The following CSMD1 variants were observed in gnomAD, a reference collection of about 807,000 sequenced individuals.
The protein encoded by CSMD1 is CUB and Sushi multiple domains 1.
In CSMD1, 213 loss-of-function variants were observed where a neutral mutation model predicts 417.5. The ratio of observed to expected loss-of-function variants is 0.51; its 90% CI spans 0.46 to 0.57. The LOEUF (loss-of-function observed/expected upper bound fraction) is 0.57. Ranked by LOEUF, CSMD1 falls within the 20% of genes least tolerant of loss-of-function variation. The pLI is 0.00. For synonymous variants in CSMD1, 2,862 were observed against 1,736.8 expected (o/e 1.65, Z -16.11); for missense variants, 6,923 against 4,529.7 (o/e 1.53, Z -15.17).
intron 3 of CSMD1, among the ~76,000 whole-genome samples, chr8:4,196,138 G>C (rs972141977): frequency 1.3e-5 from 2 of 152,094 alleles, no homozygotes; most frequent in African/African-American, 4.8e-5. Flanking sequence ...TTGAACCCGG[G>C]AAGTGGAGCT....
intron 3 of CSMD1, among the ~76,000 whole-genome samples, chr8:4,330,848 C>G (rs916793434): frequency 1.3e-5 from 2 of 152,058 alleles, no homozygotes; most frequent in Non-Finnish European, 2.9e-5. Context: ...TCCCACCTTC[C>G]CAGATTCTAC....
chr8:4,415,922 G>C (rs1041146279), intron 3 of CSMD1, among the ~76,000 whole-genome samples: 1 of 152,192 alleles, frequency 6.6e-6, no homozygotes, highest in African/African-American at 2.4e-5. Flanking sequence ...CAGACATGTG[G>C]ATAATTTCTG....
At chr8:3,504,669 G>C (rs550019330) in intron 10 of CSMD1, among the ~76,000 whole-genome samples, 2 of 152,264 alleles carry the variant, frequency 1.3e-5, no homozygotes, top group East Asian at 1.9e-4. Flanking sequence ...TATCTAAAAT[G>C]ACCTCTTATC....
At chr8:3,926,295 T>C (rs530520880) in intron 5 of CSMD1, among the ~76,000 whole-genome samples, 3 of 152,338 alleles carry the variant, frequency 2.0e-5, no homozygotes, top group Non-Finnish European at 4.4e-5. Flanking sequence ...CCTTGTGCCA[T>C]GTATTTCTCC....
chr8:4,295,008 G>C (rs1797580644), intron 3 of CSMD1, among the ~76,000 whole-genome samples: 1 of 147,368 alleles, frequency 6.8e-6, no homozygotes, highest in Non-Finnish European at 1.5e-5. Context: ...CCCAATCTAA[G>C]GTGTTAAGAT....
chr8:4,420,367 C>CT (rs887358214), intron 2 of CSMD1, among the ~76,000 whole-genome samples: 39 of 148,476 alleles, frequency 2.6e-4, no homozygotes, highest in East Asian at 2.2e-3. Context: ...CTACTGCCAA[C>CT]TTTTTTTTTT....
intron 10 of CSMD1, among the ~76,000 whole-genome samples, chr8:3,539,349 C>T (rs1008267833): frequency 6.6e-6 from 1 of 152,162 alleles, no homozygotes; most frequent in Admixed American, 6.5e-5. Context: ...CCTGGTTTTG[C>T]CTTCTGGGCA....
At chr8:4,172,399 G>T (rs550037973) in intron 3 of CSMD1, among the ~76,000 whole-genome samples, 3 of 152,024 alleles carry the variant, frequency 2.0e-5, no homozygotes, top group Non-Finnish European at 2.9e-5. Flanking sequence ...TAAATAGCCA[G>T]TGGGTCTCAT....
intron 1 of CSMD1, among the ~76,000 whole-genome samples, chr8:4,652,460 C>T (rs1803955111): frequency 6.6e-6 from 1 of 151,992 alleles, no homozygotes. Flanking sequence ...TCAGTGCATG[C>T]AGCCTACCAG....
chr8:4,350,886 G>T (rs1166438960), intron 3 of CSMD1, among the ~76,000 whole-genome samples: 1 of 152,340 alleles, frequency 6.6e-6, no homozygotes, highest in African/African-American at 2.4e-5. Flanking sequence ...GGAGGGGAAA[G>T]GATGTGCATT....
chr8:4,618,128 T>C (rs1263508067), intron 2 of CSMD1, among the ~76,000 whole-genome samples: 1 of 152,178 alleles, frequency 6.6e-6, no homozygotes, highest in Non-Finnish European at 1.5e-5. Flanking sequence ...GAAAGGTTTC[T>C]GTCCTTCAAG....
At chr8:3,276,400 A>G (rs147694468) in intron 26 of CSMD1, among the ~76,000 whole-genome samples, 77 of 152,290 alleles carry the variant, frequency 5.1e-4, no homozygotes, top group Middle Eastern at 3.4e-3. Context: ...AGCTGTTCCT[A>G]TTCGTTCATC....
At chr8:4,502,611 C>G (rs897027592) in intron 2 of CSMD1, among the ~76,000 whole-genome samples, 6 of 152,140 alleles carry the variant, frequency 3.9e-5, no homozygotes, top group African/African-American at 1.4e-4. Context: ...TAAAAAAGGA[C>G]TCTATATATC....
At chr8:3,165,418 T>A (rs1025388731) in intron 37 of CSMD1, among the ~76,000 whole-genome samples, 5 of 151,856 alleles carry the variant, frequency 3.3e-5, no homozygotes, top group African/African-American at 9.7e-5. Flanking sequence ...TTAATTTTTA[T>A]TTTTTATTTA....
chr8:4,706,099 A>C (rs1186892332), intron 1 of CSMD1, among the ~76,000 whole-genome samples: 1 of 150,474 alleles, frequency 6.6e-6, no homozygotes, highest in East Asian at 1.9e-4. Context: ...ATAATATATA[A>C]AAACTATATA....
intron 25 of CSMD1, among the ~76,000 whole-genome samples, chr8:3,291,347 G>A (rs962278819): frequency 5.8e-5 from 4 of 68,462 alleles, no homozygotes; most frequent in Non-Finnish European, 9.4e-5. Flanking sequence ...CATAAAATAA[G>A]TTAGGGAGGA....
intron 1 of CSMD1, among the ~76,000 whole-genome samples, chr8:4,765,454 A>C (rs952554592): frequency 1.3e-5 from 2 of 152,342 alleles, no homozygotes; most frequent in East Asian, 3.9e-4. Context: ...TAATTCAATT[A>C]AATGCAGTTC....
In CSMD1 at chr8:3,769,920, A is replaced by G. The variant is rs1439461037; in HGVS notation, c.819-15878T>C. On this transcript the variant is annotated intron_variant, in intron 5 of 69. Coordinates refer to ENST00000635120, the MANE Select transcript of CSMD1 (RefSeq NM_033225.6). ...GGACTTTTGAGAAATGCCTATTGCA[A>G]TATTGCTCTTTACAAAAAATAGGCT... Among the ~76,000 whole-genome samples, 4 of 152,378 alleles carry G rather than the reference A, an allele frequency of 2.6e-5. No individual in the cohort carries two copies. In the East Asian group the frequency reaches 5.8e-4, roughly 22 times the overall value.
chr8:4,319,643 T>A, intron 3 of CSMD1, among the ~76,000 whole-genome samples: 1 of 152,096 alleles, frequency 6.6e-6, no homozygotes. Flanking sequence ...CTTACCCAGT[T>A]CACTGCCTGG....
Sources: gnomAD v4.1 joint callset for allele counts (sites outside exome capture counted in the v4.1 genomes callset) on GRCh38, gnomAD v4.1.1 for gene constraint, MANE v1.5 for transcripts, NCBI Gene and HGNC (gene_info 2026-07-23, HGNC 2026-07-21) for gene names.